The following HAPLN1 variants were observed in gnomAD, a reference collection of about 807,000 sequenced individuals.
HAPLN1 encodes the protein Cartilage link protein.
Under a neutral mutation model 36.5 loss-of-function variants are expected in HAPLN1, and 13 were observed. The observed-to-expected ratio is 0.36, with a 90% CI of 0.23 to 0.57. The LOEUF is 0.57. Among genes scored for constraint, HAPLN1 ranks in the 20% least tolerant of loss-of-function variants. The pLI is 0.83. For missense variants in HAPLN1, 407 were observed against 439.7 expected, an observed-to-expected ratio of 0.93 and a Z score of 0.66; for synonymous variants, 202 against 169.8, an observed-to-expected ratio of 1.19 and a Z score of -1.48.
At chr5:83,671,197 A>G (rs532017258) in intron 2 of HAPLN1, among the ~76,000 whole-genome samples, 1 of 152,290 alleles carries the variant, frequency 6.6e-6, no homozygotes, top group South Asian at 2.1e-4. Flanking sequence ...GATTTGCACA[A>G]TTTTCCCAAT....
rs564197220 is a variant in HAPLN1 at position 83,662,496 on chromosome 5, G to GA, written c.101-9673dup. ...ATTTAATGCTTATGTTTTAGACCTA[G>GA]AAAACACAAACCAGGTTATCATAAT... On this transcript the variant is annotated intron_variant, in intron 2 of 4. Transcript: ENST00000274341. 1.1e-4 allele frequency among the ~76,000 whole-genome samples: 17 copies of GA among 152,174 alleles called. No homozygotes were observed. In the South Asian group the frequency reaches 3.1e-3, roughly 28 times the overall value.
intron 1 of HAPLN1, among the ~76,000 whole-genome samples, chr5:83,678,233 G>GTGTGTGTGTC (rs1163409843): frequency 4.0e-5 from 6 of 151,650 alleles, no homozygotes; most frequent in Non-Finnish European, 8.8e-5. Context: ...GTGTGTGTGT[G>GTGTGTGTGTC]TGTGTGTGTG....
chr5:83,641,465 A>G lies in HAPLN1; in HGVS notation c.*31T>C. On this transcript the variant is annotated 3_prime_UTR_variant, in exon 5 of 5. Transcript: ENST00000274341. The stretch of plus-strand genomic sequence containing the variant: ...AAACACCTTTCACATGTTCTTAATG[A>G]CTTTAAAACTGATGCGCTCTAAGGG... The G allele has an allele frequency of 6.5e-7, 1 of 1,527,666 alleles. No homozygotes were observed. Among genetic ancestry groups the G allele is most frequent in the Non-Finnish European group, 8.8e-7 (1 of 1,136,332 alleles). 94.6% of individuals were successfully genotyped at this position (1,527,666 alleles called of 1,614,324 possible). A position where few individuals can be genotyped will look rare whatever the true frequency, so the allele number is the denominator to read the frequency against.
intron 2 of HAPLN1, among the ~76,000 whole-genome samples, chr5:83,667,221 T>C (rs1750576844): frequency 1.3e-5 from 2 of 152,206 alleles, no homozygotes; most frequent in South Asian, 2.1e-4. Context: ...TATATACTTT[T>C]GTTCTTTACT....
intron 1 of HAPLN1, among the ~76,000 whole-genome samples, chr5:83,684,781 C>G (rs1317920468): frequency 1.3e-5 from 2 of 152,106 alleles, no homozygotes; most frequent in African/African-American, 4.8e-5. Context: ...TGCAATCAGG[C>G]ATTCCAACCA....
At chr5:83,694,150 A>C (rs949317459) in intron 1 of HAPLN1, among the ~76,000 whole-genome samples, 3 of 152,030 alleles carry the variant, frequency 2.0e-5, no homozygotes, top group African/African-American at 7.2e-5. Context: ...GATATGTGGA[A>C]TACTTCTATC....
intron 2 of HAPLN1, among the ~76,000 whole-genome samples, chr5:83,657,682 T>C (rs1251911700): frequency 6.6e-6 from 1 of 151,988 alleles, no homozygotes; most frequent in East Asian, 1.9e-4. Context: ...AAAAAACAAG[T>C]TTGTCTTTTT....
intron 1 of HAPLN1, among the ~76,000 whole-genome samples, chr5:83,701,478 T>C (rs1373996658): frequency 6.6e-6 from 1 of 152,028 alleles, no homozygotes; most frequent in Non-Finnish European, 1.5e-5. Flanking sequence ...GATTTGAGAG[T>C]AGGTGGGTGT....
At chr5:83,717,338 G>T (rs921178557) in intron 1 of HAPLN1, among the ~76,000 whole-genome samples, 4 of 152,060 alleles carry the variant, frequency 2.6e-5, no homozygotes, top group African/African-American at 9.7e-5. Context: ...CTTAATGAGC[G>T]GGTCTCCTTC....
intron 2 of HAPLN1, among the ~76,000 whole-genome samples, chr5:83,661,579 G>A (rs570810208): frequency 6.6e-6 from 1 of 151,682 alleles, no homozygotes; most frequent in African/African-American, 2.4e-5. Flanking sequence ...CAAGTAGCTG[G>A]GACTACAGGC....
At chr5:83,691,211 G>T (rs1482203159) in intron 1 of HAPLN1, among the ~76,000 whole-genome samples, 1 of 152,020 alleles carries the variant, frequency 6.6e-6, no homozygotes, top group Non-Finnish European at 1.5e-5. Flanking sequence ...GGCGTTGAGA[G>T]CCAAGAGTTC....
At chr5:83,679,986 G>A (rs1371656160) in intron 1 of HAPLN1, among the ~76,000 whole-genome samples, 2 of 152,132 alleles carry the variant, frequency 1.3e-5, no homozygotes, top group Non-Finnish European at 2.9e-5. Context: ...TAAATTCATG[G>A]ATTTTTAAAG....
chr5:83,646,913 A>G (rs1749894292), intron 3 of HAPLN1, among the ~76,000 whole-genome samples: 1 of 152,378 alleles, frequency 6.6e-6, no homozygotes, highest in African/African-American at 2.4e-5. Context: ...ATCTTAAGTG[A>G]CAGAAAATCT....
chr5:83,647,506 T>C (rs1749909036), intron 3 of HAPLN1, among the ~76,000 whole-genome samples: 1 of 152,182 alleles, frequency 6.6e-6, no homozygotes, highest in Non-Finnish European at 1.5e-5. Flanking sequence ...AACTTCATTA[T>C]TGTTAGTATT....
chr5:83,719,135 T>A (rs1213233524), intron 1 of HAPLN1, among the ~76,000 whole-genome samples: 1 of 152,224 alleles, frequency 6.6e-6, no homozygotes, highest in Non-Finnish European at 1.5e-5. Flanking sequence ...TGTGAAAGTC[T>A]CTTCAGTACT....
intron 1 of HAPLN1, among the ~76,000 whole-genome samples, chr5:83,715,292 A>G (rs1290186640): frequency 1.3e-5 from 2 of 152,218 alleles, no homozygotes; most frequent in African/African-American, 4.8e-5. Flanking sequence ...CCTCATTCAC[A>G]ATTAAATGTA....
intron 1 of HAPLN1, among the ~76,000 whole-genome samples, chr5:83,690,689 C>A (rs1261078098): frequency 6.6e-6 from 1 of 151,804 alleles, no homozygotes; most frequent in Non-Finnish European, 1.5e-5. Flanking sequence ...AATTTGCGCA[C>A]CCCTGATTTT....
chr5:83,644,147 G>A (rs1012393589), intron 4 of HAPLN1, among the ~76,000 whole-genome samples: 6 of 152,172 alleles, frequency 3.9e-5, no homozygotes, highest in African/African-American at 7.2e-5. Flanking sequence ...GAAATAAAAC[G>A]TAGGAGTACT....
At chr5:83,667,054 T>C (rs931022027) in intron 2 of HAPLN1, among the ~76,000 whole-genome samples, 3 of 152,210 alleles carry the variant, frequency 2.0e-5, no homozygotes, top group Admixed American at 2.0e-4. Flanking sequence ...CACTAGACTA[T>C]AAATTGTTGA....
Sources: gnomAD v4.1 joint callset for allele counts (sites outside exome capture counted in the v4.1 genomes callset) on GRCh38, gnomAD v4.1.1 for gene constraint, MANE v1.5 for transcripts, NCBI Gene and HGNC (gene_info 2026-07-23, HGNC 2026-07-21) for gene names.